PLA2G4B: variants seen among roughly 807,000 people sequenced by gnomAD.
The protein encoded by PLA2G4B is phospholipase A2 group IVB, also known as cytosolic phospholipase A2 beta.
In PLA2G4B, 122 loss-of-function variants were observed where a neutral mutation model predicts 95.8. That is an observed-to-expected ratio of 1.27 (90% confidence interval 1.10 to 1.48). The LOEUF is 1.48. PLA2G4B is among the 40% of genes most tolerant of loss of function. PLA2G4B has a pLI of 0.00. For synonymous variants in PLA2G4B, 518 were observed against 421.5 expected, an observed-to-expected ratio of 1.23 and a Z score of -2.80; for missense variants, 1,158 against 996.2, an observed-to-expected ratio of 1.16 and a Z score of -2.19.
At chr15:41,842,305 G>T in intron 9 of PLA2G4B, 29 bp downstream of exon 9, 1 of 1,613,044 alleles carries the variant, frequency 6.2e-7, no homozygotes, top group African/African-American at 1.3e-5. Context: ...AGGAAGCAAG[G>T]CGCCTGGATG....
At position 41,847,695 on chromosome 15, in the gene PLA2G4B, G is replaced by A. The variant is rs775609058; in HGVS notation, c.2181G>A (p.Leu727=). 5 of 1,613,542 alleles carry A rather than the reference G, an allele frequency of 3.1e-6. No individual in the cohort carries two copies. The highest frequency in any genetic ancestry group is 3.3e-5 in the Admixed American group (2 of 60,006). ...PEEAAAGEVN[L]SSSDSPYHYT... The stretch of plus-strand genomic sequence containing the variant: ...AGGCGGCAGCTGGGGAGGTGAACCT[G>A]TCTTCATCGGACTCTCCCTACCACT... The change falls in exon 20 of 20, where the codon CTG becomes CTA. Residue 727 remains leucine (L), a synonymous_variant. Coordinates refer to ENST00000458483, the MANE Select transcript of PLA2G4B (RefSeq NM_001114633.2).
chr15:41,845,154 C>T, intron 13 of PLA2G4B, 49 bp from the exon 14 acceptor site: 5 of 1,612,174 alleles, frequency 3.1e-6, no homozygotes, highest in Middle Eastern at 1.7e-4. Context: ...GGGAAAGGCC[C>T]TGGGCACCCA....
chr15:41,844,480 G>A lies in PLA2G4B; in HGVS notation c.889G>A (p.Val297Ile). 1 of 1,614,194 alleles carries A rather than the reference G, an allele frequency of 6.2e-7. No individual in the cohort carries two copies. Among genetic ancestry groups the A allele is most frequent in the Non-Finnish European group, 8.5e-7 (1 of 1,180,020 alleles). ...GDLQEDEIPV[V>I]AIMATGGGIR... is the part of the protein sequence containing the mutation. ...CTCTCTTCTTTTCCAGATCCCAGTG[G>A]TAGCTATTATGGCCACTGGTGGTGG... The change falls in exon 12 of 20, where the codon GTA becomes ATA. Residue 297 changes from valine (V) to isoleucine (I), a missense_variant. Coordinates refer to ENST00000458483, the MANE Select transcript of PLA2G4B (RefSeq NM_001114633.2).
In PLA2G4B at chr15:41,840,874, TC is replaced by T. The variant is rs769223680; in HGVS notation, c.322del (p.Arg108GlyfsTer7). The T allele has an allele frequency of 1.4e-5, 22 of 1,613,638 alleles. No homozygotes were observed. Among genetic ancestry groups the T allele is most frequent in the Non-Finnish European group, 1.9e-5 (22 of 1,179,768 alleles). The part of the protein sequence containing the change: ...FDAGTLRAGE[F>X]RRESFSLSPQ... ...GCGGGGACTCTGCGGGCTGGGGAGT[TC>T]CGGCGCGAGAGCTTCTCACTGAGCC... On this transcript the variant is annotated frameshift_variant, in exon 4 of 20. Coordinates refer to ENST00000458483, the MANE Select transcript of PLA2G4B (RefSeq NM_001114633.2). LOFTEE classifies it high-confidence loss of function.
In PLA2G4B at chr15:41,846,356, A is replaced by G. The variant is rs777738717; in HGVS notation, c.1754A>G (p.Gln585Arg). 1.2e-6 allele frequency: 2 copies of G among 1,608,516 alleles called. No individual in the cohort carries two copies. The highest frequency in any genetic ancestry group is 1.7e-6 in the Non-Finnish European group (2 of 1,175,098). The change falls in exon 17 of 20, where the codon CAG (glutamine) becomes CGG (arginine). Residue 585 changes from glutamine (Q) to arginine (R), a missense_variant. Transcript: ENST00000458483. ...CTCCATTTCCACAAAGACTACTTTCAGCATCCTCACTTCTCCACATGGAAA... is the reference window on the plus strand; with the variant it reads ...CTCCATTTCCACAAAGACTACTTTCGGCATCCTCACTTCTCCACATGGAAA... ...RGLHFHKDYF[Q>R]HPHFSTWKAT... is the part of the protein sequence containing the mutation.
At chr15:41,842,907 G>A (rs2065461192) in intron 10 of PLA2G4B, 3 of 366,582 alleles carry the variant, frequency 8.2e-6, no homozygotes, top group South Asian at 7.7e-5. Context: ...GAGAGGGCAG[G>A]AAAACCAAGG....
rs141857655 is a variant in PLA2G4B at position 41,842,270 on chromosome 15, G to A, written c.699G>A (p.Thr233=). ...AAGTGGTGAGGCTTGTCTTCCCCAC[G>A]TCCCAGGTACTGGCCTCCCAGGGAA... is the stretch of plus-strand genomic sequence containing the variant. ...SGQVVRLVFP[T]SQEPLMRVEL... Residue 233 remains threonine, a synonymous_variant, in exon 9 of 20, where the codon ACG becomes ACA. Transcript: ENST00000458483. 6,764 of 1,613,974 alleles carry A rather than the reference G, an allele frequency of 4.2e-3. 24 individuals carry two copies. The highest frequency in any genetic ancestry group is 5.1e-3 in the Non-Finnish European group (6,019 of 1,180,004).
intron 11 of PLA2G4B, among the ~76,000 whole-genome samples, chr15:41,844,205 T>A (rs946261091): frequency 6.6e-6 from 1 of 152,140 alleles, no homozygotes; most frequent in African/African-American, 2.4e-5. Flanking sequence ...TTCCAGAAAG[T>A]GAGCGTCAGG....
At chr15:41,846,488 C>T in intron 17 of PLA2G4B, 106 bp downstream of exon 17, 2 of 1,521,718 alleles carry the variant, frequency 1.3e-6, no homozygotes, top group South Asian at 1.3e-5. Context: ...AGCTTGATTC[C>T]CTGGACTACT....
intron 2 of PLA2G4B, 62 bp from the exon 3 acceptor site, chr15:41,840,462 A>G: frequency 6.2e-7 from 1 of 1,610,478 alleles, no homozygotes. Context: ...GATGGAAGGA[A>G]GTGGGTCTGG....
At chr15:41,842,519 C>G (rs747596447) in intron 9 of PLA2G4B, 35 bp from the exon 10 acceptor site, 1 of 1,611,388 alleles carries the variant, frequency 6.2e-7, no homozygotes, top group South Asian at 1.1e-5. Flanking sequence ...TGGAGGTGGC[C>G]GACCTTTTGT....
chr15:41,846,299 T>C lies in PLA2G4B; in HGVS notation c.1697T>C (p.Leu566Pro), dbSNP rs748272384. 1 of 1,613,990 alleles carries C rather than the reference T, an allele frequency of 6.2e-7. No homozygotes were observed. The highest frequency in any genetic ancestry group is 1.1e-5 in the South Asian group (1 of 91,084). ...FFTDLLTWRPLAQATHNFLRG... is the reference protein window; with the variant it reads ...FFTDLLTWRPPAQATHNFLRG... The stretch of plus-strand genomic sequence containing the variant: ...ACCGATCTTCTGACGTGGCGTCCAC[T>C]GGCCCAGGCCACACATAATTTCCTG... The change falls in exon 17 of 20, where the codon CTG (leucine) becomes CCG (proline). Residue 566 changes from leucine to proline, a missense_variant. Transcript: ENST00000458483.
chr15:41,842,825 G>A (rs1009418592), intron 10 of PLA2G4B: 10 of 535,026 alleles, frequency 1.9e-5, no homozygotes, highest in Admixed American at 1.6e-4. Context: ...CACCCGGGGA[G>A]CACTTGATAA....
intron 10 of PLA2G4B, 95 bp from the exon 11 acceptor site, chr15:41,843,581 G>A: frequency 1.3e-6 from 2 of 1,529,836 alleles, no homozygotes; most frequent in Non-Finnish European, 1.8e-6. Flanking sequence ...GGGAGAAGAG[G>A]GAGGGCAGTA....
chr15:41,846,926 T>C, intron 18 of PLA2G4B, 91 bp downstream of exon 18: 4 of 1,442,472 alleles, frequency 2.8e-6, no homozygotes, highest in Non-Finnish European at 3.7e-6. Flanking sequence ...CTGGTTCAGC[T>C]TCCTTTAGGA....
At chr15:41,840,969 T>TGCACACAC in intron 4 of PLA2G4B, 64 bp downstream of exon 4, 1 of 1,589,146 alleles carries the variant, frequency 6.3e-7, no homozygotes, top group South Asian at 1.1e-5. Flanking sequence ...CGCGCACACA[T>TGCACACAC]GCACACACAC....
At position 41,847,865 on chromosome 15, in the gene PLA2G4B, C is replaced by T. The variant is rs749975704; in HGVS notation, c.*5C>T. The T allele has an allele frequency of 5.6e-6, 9 of 1,610,900 alleles. No individual in the cohort carries two copies. The highest frequency in any genetic ancestry group is 1.3e-5 in the African/African-American group (1 of 74,918). ...CGGCAGCGCAGGCCCCACTGATGGC[C>T]GGGGCCCCTGCCACCCCTAACTCTC... On this transcript the variant is annotated 3_prime_UTR_variant, in exon 20 of 20. Transcript: ENST00000458483.
rs1230856813 is a variant in PLA2G4B, at chr15:41,841,849, C to G, written c.521C>G (p.Pro174Arg). Residue 174 changes from proline to arginine, a missense_variant, in exon 8 of 20, where the codon CCT (proline) becomes CGT (arginine). Transcript: ENST00000458483. ...GAGCACAGAGTTCAGCTTGTGGTTC[C>G]TGGGTCCTGTGAGGGTCCGCAGGAG... ...SSEHRVQLVV[P>R]GSCEGPQEAS... 1 of 1,613,626 alleles carries G rather than the reference C, an allele frequency of 6.2e-7. No individual in the cohort carries two copies. The highest frequency in any genetic ancestry group is 1.1e-5 in the South Asian group (1 of 90,952).
Position 41,846,324 on chromosome 15 carries a change from G to T in PLA2G4B, c.1722G>T (p.Leu574=). ...TGGCCCAGGCCACACATAATTTCCT[G>T]CGTGGCCTCCATTTCCACAAAGACT... ...RPLAQATHNF[L]RGLHFHKDYF... is the part of the protein sequence containing the mutation. The change falls in exon 17 of 20, where the codon CTG becomes CTT. Residue 574 remains leucine (L), a synonymous_variant. Transcript: ENST00000458483. The T allele has an allele frequency of 6.2e-7, 1 of 1,612,324 alleles. No individual in the cohort carries two copies. Among genetic ancestry groups the T allele is most frequent in the Middle Eastern group, 1.7e-4 (1 of 6,054 alleles).
Sources: allele counts gnomAD v4.1 joint callset (sites outside exome capture counted in the v4.1 genomes callset), GRCh38; gene constraint gnomAD v4.1.1; transcripts MANE v1.5; gene names NCBI Gene and HGNC (gene_info 2026-07-23, HGNC 2026-07-21).